The following CEP120 variants were observed in gnomAD, a reference collection of about 807,000 sequenced individuals.
CEP120 encodes centrosomal protein of 120 kDa.
A neutral mutation model predicts 126.5 loss-of-function variants in CEP120; 113 were observed. The ratio of observed to expected loss-of-function variants is 0.89; its 90% CI spans 0.77 to 1.04. The LOEUF (loss-of-function observed/expected upper bound fraction) is 1.04. CEP120 is among the 50% of genes least tolerant of loss of function. CEP120 has a pLI of 0.00. For synonymous variants in CEP120, 400 were observed against 394.3 expected, an observed-to-expected ratio of 1.01 and a Z score of -0.17; for missense variants, 1,230 against 1,155.7, an observed-to-expected ratio of 1.06 and a Z score of -0.93.
At chr5:123,404,663 T>A (rs557885075) in intron 4 of CEP120, among the ~76,000 whole-genome samples, 1 of 152,302 alleles carries the variant, frequency 6.6e-6, no homozygotes, top group East Asian at 1.9e-4. Flanking sequence ...AAAAGGTAAT[T>A]CTCAACTCAG....
intron 4 of CEP120, chr5:123,401,917 A>G: frequency 6.4e-7 from 1 of 1,553,224 alleles, no homozygotes; most frequent in Non-Finnish European, 8.8e-7. Context: ...TTGTTGATGT[A>G]GCTCTTGAAC....
intron 16 of CEP120, 50 bp from the exon 17 acceptor site, chr5:123,372,822 A>G: frequency 6.9e-7 from 1 of 1,449,644 alleles, no homozygotes; most frequent in Non-Finnish European, 9.4e-7. Flanking sequence ...TGCAAAGTTT[A>G]ACAATAAAGT....
At chr5:123,422,428 T>G in intron 1 of CEP120, 5 of 1,252,860 alleles carry the variant, frequency 4.0e-6, no homozygotes, top group Non-Finnish European at 5.6e-6. Context: ...TGACACTCAA[T>G]GAGTCCCAAT....
chr5:123,351,488 C>A (rs931763535), intron 18 of CEP120, among the ~76,000 whole-genome samples: 1 of 152,076 alleles, frequency 6.6e-6, no homozygotes. Flanking sequence ...TCTTTTGGAA[C>A]ACATTTGTAT....
intron 17 of CEP120, among the ~76,000 whole-genome samples, chr5:123,370,671 A>ACG (rs1554101229): frequency 1.1e-5 from 1 of 89,254 alleles, no homozygotes; most frequent in Non-Finnish European, 2.4e-5. Context: ...ATATACATAT[A>ACG]TGTGTGTGTG....
Position 123,401,007 on chromosome 5 carries a change from C to A in CEP120, c.464-1723G>T. The A allele has an allele frequency of 3.9e-6, 6 of 1,553,464 alleles. No individual in the cohort carries two copies. The South Asian group carries it at 4.5e-5, about 12-fold the overall frequency. On this transcript the variant is annotated intron_variant, in intron 4 of 19. Transcript: ENST00000306467. Reference sequence around the variant, plus strand: ...AACCACGGCCCTGGAGTAGCTGGTGCGGCTGAAGGAGCTGGCGCCCAGGCC... The same window carrying A: ...AACCACGGCCCTGGAGTAGCTGGTGAGGCTGAAGGAGCTGGCGCCCAGGCC...
intron 14 of CEP120, among the ~76,000 whole-genome samples, chr5:123,381,064 AAGG>A (rs1233410281): frequency 2.6e-5 from 4 of 152,162 alleles, no homozygotes; most frequent in Non-Finnish European, 5.9e-5. Flanking sequence ...TTTAAAATCA[AAGG>A]CCTGTGTACT....
intron 9 of CEP120, 84 bp from the exon 10 acceptor site, chr5:123,386,751 TATA>T: frequency 9.5e-7 from 1 of 1,055,734 alleles, no homozygotes; most frequent in Non-Finnish European, 1.3e-6. Flanking sequence ...TAGAAAAAAG[TATA>T]ATATGAATAT....
Position 123,412,445 on chromosome 5 carries a change from T to C in CEP120, c.417A>G (p.Pro139=), listed in dbSNP as rs1211836928. The change falls in exon 4 of 20, where the codon CCA becomes CCG. Residue 139 remains proline (P), a synonymous_variant. Coordinates refer to ENST00000306467, the MANE Select transcript of CEP120 (RefSeq NM_001375405.1). ...CCCCCTTTGCTTTAAAGCTATCCAC[T>C]GGTGGCTTTGTATCGGTTTCCAAAG... is the stretch of plus-strand genomic sequence containing the variant. ...SIALETDTKP[P]VDSFKAKGAP... The C allele has an allele frequency of 1.2e-6, 2 of 1,612,262 alleles. No homozygotes were observed.
At chr5:123,409,379 C>G (rs1773890580) in intron 4 of CEP120, among the ~76,000 whole-genome samples, 1 of 151,714 alleles carries the variant, frequency 6.6e-6, no homozygotes, top group Admixed American at 6.6e-5. Flanking sequence ...AGGATGTCCC[C>G]TCTCACCACT....
chr5:123,377,224 T>TA, intron 16 of CEP120, 150 bp downstream of exon 16: 1 of 692,420 alleles, frequency 1.4e-6, no homozygotes, highest in Non-Finnish European at 2.3e-6. Context: ...AGATCCAACT[T>TA]AAAGTATATT....
chr5:123,419,255 T>C (rs996323106), intron 1 of CEP120, among the ~76,000 whole-genome samples: 5 of 152,252 alleles, frequency 3.3e-5, no homozygotes, highest in Admixed American at 6.5e-5. Context: ...GTACTACTAT[T>C]GCACTACTTA....
At chr5:123,382,325 T>TAACAA (rs1771703870) in intron 13 of CEP120, 125 bp from the exon 14 acceptor site, 1 of 212,560 alleles carries the variant, frequency 4.7e-6, no homozygotes, top group Non-Finnish European at 8.6e-6. Flanking sequence ...TTTTTTATTC[T>TAACAA]AAAAAAAAAA....
chr5:123,363,901 C>T (rs1326807431), intron 18 of CEP120, among the ~76,000 whole-genome samples: 1 of 151,406 alleles, frequency 6.6e-6, no homozygotes, highest in Non-Finnish European at 1.5e-5. Flanking sequence ...AAATAAAAAT[C>T]TTATTCATAA....
intron 1 of CEP120, among the ~76,000 whole-genome samples, chr5:123,422,259 C>A (rs1774763783): frequency 6.6e-6 from 1 of 152,214 alleles, no homozygotes; most frequent in African/African-American, 2.4e-5. Flanking sequence ...AAAAATGCCA[C>A]CTCCTCTAGT....
chr5:123,398,468 C>T (rs151238459), intron 5 of CEP120, among the ~76,000 whole-genome samples: 23 of 152,122 alleles, frequency 1.5e-4, no homozygotes, highest in Non-Finnish European at 2.2e-4. Context: ...AAAGACTAGG[C>T]CTGCTTACTG....
intron 18 of CEP120, among the ~76,000 whole-genome samples, chr5:123,352,654 A>G (rs1769268943): frequency 6.6e-6 from 1 of 152,054 alleles, no homozygotes. Context: ...CTTCAAAATG[A>G]TTTTAGCTAT....
intron 17 of CEP120, among the ~76,000 whole-genome samples, chr5:123,368,406 C>T (rs974844673): frequency 9.9e-5 from 15 of 151,790 alleles, no homozygotes; most frequent in Admixed American, 5.9e-4. Flanking sequence ...TATTTATAAA[C>T]GCAGAAATAC....
At position 123,414,303 on chromosome 5, in the gene CEP120, C is replaced by G. The variant is rs140309219; in HGVS notation, c.321+1707G>C. On this transcript the variant is annotated intron_variant, in intron 3 of 19. Transcript: ENST00000306467. The stretch of plus-strand genomic sequence containing the variant: ...GGTCTAAAACTAAAGAAGGAAAAAC[C>G]TTTTCAGAATAAGATCTAGTGGCAG... 2.4e-4 allele frequency among the ~76,000 whole-genome samples: 37 copies of G among 152,210 alleles called. No individual in the cohort carries two copies. In the East Asian group the frequency reaches 6.4e-3, roughly 26 times the overall value.
Sources: allele counts gnomAD v4.1 joint callset (sites outside exome capture counted in the v4.1 genomes callset), GRCh38; gene constraint gnomAD v4.1.1; transcripts MANE v1.5; gene names NCBI Gene and HGNC (gene_info 2026-07-23, HGNC 2026-07-21).